The following DHRS7B variants were observed in gnomAD, a reference collection of about 807,000 sequenced individuals.
DHRS7B encodes peroxisomal reductase activating PPAR-gamma.
A neutral mutation model predicts 26.4 loss-of-function variants in DHRS7B; 24 were observed. The observed-to-expected ratio is 0.91, with a 90% CI of 0.66 to 1.28. The LOEUF (loss-of-function observed/expected upper bound fraction) is 1.28, where lower values mean the gene tolerates loss of function less well. Ranked by LOEUF, DHRS7B falls within the 50% of genes most tolerant of loss-of-function variation. The pLI is 0.00. For missense variants in DHRS7B, 368 were observed against 419.4 expected (o/e 0.88, Z 1.07); for synonymous variants, 142 against 166.4 (o/e 0.85, Z 1.13).
At chr17:21,186,461 G>A (rs2144228649) in intron 5 of DHRS7B, among the ~76,000 whole-genome samples, 1 of 152,318 alleles carries the variant, frequency 6.6e-6, no homozygotes, top group South Asian at 2.1e-4. Context: ...GCTGATAGGA[G>A]CAGTCCTCTC....
rs1194614460 is a variant in DHRS7B at position 21,137,295 on chromosome 17, CTT to C, written c.20+10322_20+10323del. The stretch of plus-strand genomic sequence containing the variant: ...GGGCCTGCCCATTTTTCTTTTTTGT[CTT>C]TTTTTTTTTTTTTTTTTGAGACAGA... On this transcript the variant is annotated intron_variant, in intron 1 of 6. Transcript: ENST00000395511. 9.5e-3 allele frequency among the ~76,000 whole-genome samples: 1,027 copies of C among 108,172 alleles called. 6 individuals are homozygous for C. The highest frequency in any genetic ancestry group is 0.034 in the African/African-American group (964 of 28,278). 71.0% of individuals were successfully genotyped at this position (108,172 alleles called of 152,430 possible).
intron 6 of DHRS7B, among the ~76,000 whole-genome samples, chr17:21,189,937 T>C: frequency 6.6e-6 from 1 of 152,112 alleles, no homozygotes; most frequent in Admixed American, 6.6e-5. Flanking sequence ...GGAGGTCAAG[T>C]CAGGAGGATC....
chr17:21,135,048 A>G (rs544608712), intron 1 of DHRS7B, among the ~76,000 whole-genome samples: 4 of 152,328 alleles, frequency 2.6e-5, no homozygotes, highest in African/African-American at 9.6e-5. Context: ...CACCTTCTAA[A>G]GAGGACCAAA....
chr17:21,130,323 A>G (rs923980503), intron 1 of DHRS7B, among the ~76,000 whole-genome samples: 3 of 152,190 alleles, frequency 2.0e-5, no homozygotes, highest in African/African-American at 7.2e-5. Flanking sequence ...TGGGAAGCAG[A>G]GGTTGCAATG....
intron 3 of DHRS7B, among the ~76,000 whole-genome samples, chr17:21,181,845 T>C (rs1453732264): frequency 6.7e-6 from 1 of 149,848 alleles, no homozygotes; most frequent in African/African-American, 2.5e-5. Flanking sequence ...TATTAGCTTT[T>C]TGTGGATTTA....
intron 1 of DHRS7B, among the ~76,000 whole-genome samples, chr17:21,162,931 C>T (rs1221415235): frequency 6.6e-6 from 1 of 152,126 alleles, no homozygotes; most frequent in Non-Finnish European, 1.5e-5. Context: ...CACAGTGGCT[C>T]ACGCCTGTAA....
At chr17:21,168,386 T>C (rs185321573) in intron 1 of DHRS7B, among the ~76,000 whole-genome samples, 116 of 152,278 alleles carry the variant, frequency 7.6e-4, no homozygotes, top group East Asian at 9.7e-4. Context: ...TGTTTGCTTT[T>C]GAGACAGGGC....
chr17:21,178,377 T>C, intron 3 of DHRS7B, 35 bp downstream of exon 3: 2 of 1,571,874 alleles, frequency 1.3e-6, no homozygotes, highest in African/African-American at 1.4e-5. Context: ...GGGGAAGGAG[T>C]GCAGGCCGTC....
intron 2 of DHRS7B, among the ~76,000 whole-genome samples, chr17:21,173,256 C>T (rs756338361): frequency 2.4e-4 from 37 of 152,260 alleles, no homozygotes; most frequent in Non-Finnish European, 4.6e-4. Context: ...GGCAACAAGG[C>T]ACATGTATAT....
At chr17:21,133,100 G>A (rs1029520360) in intron 1 of DHRS7B, among the ~76,000 whole-genome samples, 2 of 152,320 alleles carry the variant, frequency 1.3e-5, no homozygotes, top group African/African-American at 4.8e-5. Context: ...TATGGAGAAT[G>A]TGTATTTCAG....
At chr17:21,148,345 G>C (rs1973687109) in intron 1 of DHRS7B, among the ~76,000 whole-genome samples, 1 of 152,088 alleles carries the variant, frequency 6.6e-6, no homozygotes, top group South Asian at 2.1e-4. Context: ...ATAAGAAACA[G>C]AAGTCTCAGA....
intron 1 of DHRS7B, among the ~76,000 whole-genome samples, chr17:21,160,093 C>CG: frequency 6.6e-6 from 1 of 151,956 alleles, no homozygotes; most frequent in East Asian, 1.9e-4. Context: ...TGGTGGCTCA[C>CG]GCCTGTATTC....
At chr17:21,138,144 C>T (rs1430466979) in intron 1 of DHRS7B, among the ~76,000 whole-genome samples, 19 of 92,672 alleles carry the variant, frequency 2.1e-4, no homozygotes, top group South Asian at 7.5e-4. Context: ...ATATTTATTG[C>T]GACTTATACT....
intron 1 of DHRS7B, among the ~76,000 whole-genome samples, chr17:21,144,889 C>T (rs1973608169): frequency 6.6e-6 from 1 of 152,066 alleles, no homozygotes; most frequent in Non-Finnish European, 1.5e-5. Context: ...AGATGGGCTT[C>T]AAGAGTTTTG....
chr17:21,134,706 T>C (rs1973305574), intron 1 of DHRS7B, among the ~76,000 whole-genome samples: 1 of 151,004 alleles, frequency 6.6e-6, no homozygotes, highest in Non-Finnish European at 1.5e-5. Flanking sequence ...ATAAGAATAC[T>C]CATAAATAGT....
intron 1 of DHRS7B, 200 bp downstream of exon 1, chr17:21,127,191 C>T (rs1183007936): frequency 3.8e-6 from 2 of 530,602 alleles, no homozygotes; most frequent in Admixed American, 4.3e-5. Flanking sequence ...GCCCTGGCTC[C>T]GGCGAGTGCG....
chr17:21,138,101 T>TACACACACACACACAC (rs370861401), intron 1 of DHRS7B, among the ~76,000 whole-genome samples: 36 of 86,086 alleles, frequency 4.2e-4, no homozygotes, highest in Admixed American at 9.8e-4. Flanking sequence ...TATATATATA[T>TACACACACACACACAC]ACACACACAC....
chr17:21,176,083 C>T (rs564053287), intron 2 of DHRS7B, among the ~76,000 whole-genome samples: 7 of 152,170 alleles, frequency 4.6e-5, no homozygotes, highest in African/African-American at 1.7e-4. Context: ...CTTGACTTCC[C>T]AGGCTCAAGG....
At chr17:21,168,896 T>A in intron 1 of DHRS7B, 2 of 984,396 alleles carry the variant, frequency 2.0e-6, no homozygotes, top group Non-Finnish European at 2.4e-6. Flanking sequence ...CAAGACGGTG[T>A]GTAGTTTTCG....
Sources: allele counts gnomAD v4.1 joint callset (sites outside exome capture counted in the v4.1 genomes callset), GRCh38; gene constraint gnomAD v4.1.1; transcripts MANE v1.5; gene names NCBI Gene and HGNC (gene_info 2026-07-23, HGNC 2026-07-21).